Variants in CLSTN2 observed in about 807,000 individuals in gnomAD.
CLSTN2 encodes the protein calsyntenin-2.
CLSTN2 carries 48 observed loss-of-function variants against 101.2 expected under a neutral mutation model. The observed-to-expected ratio is 0.47, with a 90% confidence interval of 0.38 to 0.60. CLSTN2 has a LOEUF of 0.60. Among genes scored for constraint, CLSTN2 ranks in the 20% least tolerant of loss-of-function variants. The pLI is 0.00. For synonymous variants in CLSTN2, 481 were observed against 463.6 expected, an observed-to-expected ratio of 1.04 and a Z score of -0.48; for missense variants, 1,160 against 1,238.2, an observed-to-expected ratio of 0.94 and a Z score of 0.95.
At chr3:140,494,389 G>A (rs556047150) in intron 8 of CLSTN2, among the ~76,000 whole-genome samples, 4 of 152,262 alleles carry the variant, frequency 2.6e-5, no homozygotes, top group African/African-American at 7.2e-5. Flanking sequence ...TTATCAAGCC[G>A]GATACCTCTT....
intron 5 of CLSTN2, among the ~76,000 whole-genome samples, chr3:140,445,697 C>T (rs1429471966): frequency 6.6e-6 from 1 of 152,120 alleles, no homozygotes; most frequent in African/African-American, 2.4e-5. Context: ...GCAAACAAGC[C>T]ATGGATTCTG....
At chr3:140,152,210 A>AAT (rs1366687979) in intron 1 of CLSTN2, among the ~76,000 whole-genome samples, 1 of 152,084 alleles carries the variant, frequency 6.6e-6, no homozygotes, top group Non-Finnish European at 1.5e-5. Flanking sequence ...TGTCCTTGGG[A>AAT]GCTTTTCCAG....
intron 5 of CLSTN2, among the ~76,000 whole-genome samples, chr3:140,421,673 C>T (rs1438044704): frequency 6.6e-6 from 1 of 152,168 alleles, no homozygotes; most frequent in Non-Finnish European, 1.5e-5. Context: ...TCGCCATGTT[C>T]TTTGTGCTCA....
intron 1 of CLSTN2, among the ~76,000 whole-genome samples, chr3:140,144,092 G>GA (rs1332352041): frequency 1.3e-5 from 2 of 152,214 alleles, no homozygotes; most frequent in Admixed American, 1.3e-4. Context: ...CAAATCACAT[G>GA]AAAAGCATCA....
intron 2 of CLSTN2, among the ~76,000 whole-genome samples, chr3:140,354,280 T>C (rs1000319190): frequency 3.9e-5 from 6 of 152,152 alleles, no homozygotes; most frequent in Non-Finnish European, 7.4e-5. Context: ...GCACTGTAAC[T>C]CCACCTGGGA....
chr3:140,431,409 ACT>A (rs1241752414), intron 5 of CLSTN2, among the ~76,000 whole-genome samples: 1 of 151,904 alleles, frequency 6.6e-6, no homozygotes, highest in Non-Finnish European at 1.5e-5. Context: ...GGGCAGGAAG[ACT>A]CTACCTTTTC....
intron 2 of CLSTN2, among the ~76,000 whole-genome samples, chr3:140,286,933 G>T (rs2086900640): frequency 6.6e-6 from 1 of 152,174 alleles, no homozygotes; most frequent in African/African-American, 2.4e-5. Context: ...GAAAGTCTAG[G>T]TGACAGGCTG....
rs1227950689 is a variant in CLSTN2 at position 140,549,538 on chromosome 3, G to T, written c.1674+2857G>T. On this transcript the variant is annotated intron_variant, in intron 10 of 16. Transcript: ENST00000458420. ...TATGGAGCACCCACTGGGGGCTATT[G>T]TATGTTCATTATCCCTACTTCTCAC... Among the ~76,000 whole-genome samples the T allele has an allele frequency of 4.6e-5, 7 of 150,642 alleles. 1 individual carries two copies. In the East Asian group the frequency reaches 6.0e-4, roughly 13 times the overall value.
intron 1 of CLSTN2, among the ~76,000 whole-genome samples, chr3:139,982,812 T>C (rs1369441007): frequency 6.6e-6 from 1 of 152,014 alleles, no homozygotes; most frequent in Non-Finnish European, 1.5e-5. Flanking sequence ...CTAGATAATA[T>C]TGAGATAAGT....
chr3:140,511,238 C>T (rs1221358412), intron 8 of CLSTN2, among the ~76,000 whole-genome samples: 3 of 152,246 alleles, frequency 2.0e-5, no homozygotes, highest in South Asian at 2.1e-4. Context: ...ATGGTGTATA[C>T]GTAGCACATT....
At chr3:140,284,351 A>G (rs2086876956) in intron 2 of CLSTN2, among the ~76,000 whole-genome samples, 1 of 152,190 alleles carries the variant, frequency 6.6e-6, no homozygotes, top group Admixed American at 6.5e-5. Flanking sequence ...TGAATTGAAA[A>G]GATGTCAAAA....
chr3:140,469,068 G>A (rs1184664230), intron 8 of CLSTN2, among the ~76,000 whole-genome samples: 1 of 152,192 alleles, frequency 6.6e-6, no homozygotes, highest in African/African-American at 2.4e-5. Context: ...ATGGCAGAGA[G>A]GGAGCACTCT....
chr3:140,422,394 C>T (rs1185638495), intron 5 of CLSTN2, among the ~76,000 whole-genome samples: 1 of 152,156 alleles, frequency 6.6e-6, no homozygotes, highest in African/African-American at 2.4e-5. Context: ...GGCAGGACAT[C>T]ATGGTACAAA....
chr3:140,348,631 T>C (rs74943825), intron 2 of CLSTN2, among the ~76,000 whole-genome samples: 3,857 of 152,288 alleles, frequency 0.025, 156 homozygotes, highest in African/African-American at 0.088. Context: ...TTTCCCCAAT[T>C]ACAGGAAGGT....
intron 2 of CLSTN2, among the ~76,000 whole-genome samples, chr3:140,389,037 A>G (rs527672825): frequency 6.6e-6 from 1 of 152,304 alleles, no homozygotes; most frequent in Admixed American, 6.5e-5. Flanking sequence ...GGTAAATCCT[A>G]CTTACTCATA....
intron 4 of CLSTN2, among the ~76,000 whole-genome samples, chr3:140,408,203 C>T (rs937065620): frequency 6.6e-6 from 1 of 152,142 alleles, no homozygotes; most frequent in African/African-American, 2.4e-5. Context: ...AGAGAGAACT[C>T]CTTAGCTCAA....
At chr3:139,956,262 A>G (rs187519205) in intron 1 of CLSTN2, among the ~76,000 whole-genome samples, 3 of 152,198 alleles carry the variant, frequency 2.0e-5, no homozygotes, top group Non-Finnish European at 4.4e-5. Context: ...TTTGTTCTGT[A>G]TTTATTGTGT....
chr3:140,158,890 C>T (rs1172741504), intron 1 of CLSTN2, among the ~76,000 whole-genome samples: 1 of 152,144 alleles, frequency 6.6e-6, no homozygotes, highest in African/African-American at 2.4e-5. Flanking sequence ...GTACAGCCAT[C>T]TGATCTTCAG....
chr3:140,533,731 A>G (rs1389202794), intron 9 of CLSTN2, among the ~76,000 whole-genome samples: 1 of 150,366 alleles, frequency 6.7e-6, no homozygotes, highest in Non-Finnish European at 1.5e-5. Flanking sequence ...AAAAAAAAAA[A>G]AGAATATGCC....
Sources: gnomAD v4.1 joint callset for allele counts (sites outside exome capture counted in the v4.1 genomes callset) on GRCh38, gnomAD v4.1.1 for gene constraint, MANE v1.5 for transcripts, NCBI Gene and HGNC (gene_info 2026-07-23, HGNC 2026-07-21) for gene names.